RIN2: variants seen among roughly 807,000 people sequenced by gnomAD.
RIN2 encodes Ras and Rab interactor 2, also known as RAB5 interacting protein 2.
Under a neutral mutation model 78.0 loss-of-function variants are expected in RIN2, and 36 were observed. The ratio of observed to expected loss-of-function variants is 0.46; its 90% CI spans 0.35 to 0.61. RIN2 has a LOEUF of 0.61. Ranked by LOEUF, RIN2 falls within the 20% of genes least tolerant of loss-of-function variation. The probability of loss-of-function intolerance (pLI) is 0.00; values close to 1 mark genes in which losing one functional copy is unlikely to be tolerated. For synonymous variants in RIN2, 466 were observed against 466.8 expected (o/e 1.00, Z 0.02); for missense variants, 1,087 against 1,159.7 (o/e 0.94, Z 0.91).
intron 2 of RIN2, among the ~76,000 whole-genome samples, chr20:19,839,194 C>G (rs533323011): frequency 6.6e-6 from 1 of 152,140 alleles, no homozygotes; most frequent in African/African-American, 2.4e-5. Flanking sequence ...GGAACAAAAC[C>G]GGTGAGAAAA....
intron 2 of RIN2, among the ~76,000 whole-genome samples, chr20:19,880,846 G>A (rs1304344766): frequency 1.3e-5 from 2 of 152,158 alleles, no homozygotes; most frequent in African/African-American, 4.8e-5. Context: ...TTCCATAAAG[G>A]AAGATCTTTT....
At chr20:19,946,026 A>G (rs996756463) in intron 4 of RIN2, among the ~76,000 whole-genome samples, 1 of 152,210 alleles carries the variant, frequency 6.6e-6, no homozygotes, top group African/African-American at 2.4e-5. Context: ...AGTGCCCCTA[A>G]GAATATTTCT....
intron 3 of RIN2, among the ~76,000 whole-genome samples, chr20:19,902,207 A>G (rs11699697): frequency 0.36 from 55,096 of 151,944 alleles, 9,936 homozygotes; most frequent in Admixed American, 0.39. Context: ...GACACTGTAT[A>G]TAAACTTGGG....
rs542258484 is a variant in RIN2 at position 19,912,342 on chromosome 20, T to C, written c.57+22684T>C. On this transcript the variant is annotated intron_variant, in intron 3 of 12. Coordinates refer to ENST00000255006, the MANE Select transcript of RIN2 (RefSeq NM_018993.4). ...GATTTGGTCTCCTGCTGCAGGTCCA[T>C]GCTTTTTACCAGGCCAGACCCCTCT... 3.3e-5 allele frequency among the ~76,000 whole-genome samples: 5 copies of C among 152,266 alleles called. No homozygotes were observed. The South Asian group carries it at 1.0e-3, about 32-fold the overall frequency.
intron 3 of RIN2, among the ~76,000 whole-genome samples, chr20:19,918,296 G>A (rs1157513966): frequency 6.6e-6 from 1 of 151,890 alleles, no homozygotes; most frequent in African/African-American, 2.4e-5. Context: ...ATGGATAGCT[G>A]TAAACTTCAG....
rs1227672654 is a variant in RIN2 at position 19,975,943 on chromosome 20, A to T, written c.1762+156A>T. On this transcript the variant is annotated intron_variant, in intron 9 of 12. Coordinates refer to ENST00000255006, the MANE Select transcript of RIN2 (RefSeq NM_018993.4). This position sits in a 1 kb window ranked among gnomAD's most constrained non-coding sequence, Gnocchi z 4.9. ...TTTGAATGGAAAAATCAGTTTCTCA[A>T]AGTAGCTGCTGACTGCCAGACTCAA... is the stretch of plus-strand genomic sequence containing the variant. Among the ~76,000 whole-genome samples the T allele has an allele frequency of 2.0e-5, 3 of 152,124 alleles. No individual in the cohort carries two copies. The highest frequency in any genetic ancestry group is 7.2e-5 in the African/African-American group (3 of 41,422).
intron 2 of RIN2, among the ~76,000 whole-genome samples, chr20:19,842,387 CTT>C (rs139642869): frequency 1.5e-3 from 68 of 46,180 alleles, no homozygotes; most frequent in African/African-American, 3.8e-3. Context: ...CCATCCCTGG[CTT>C]TTTTTTTTTT....
At chr20:19,849,946 G>T (rs184018528) in intron 2 of RIN2, among the ~76,000 whole-genome samples, 7 of 152,050 alleles carry the variant, frequency 4.6e-5, no homozygotes, top group Non-Finnish European at 1.0e-4. Flanking sequence ...TGATTTACCC[G>T]AAAGGAACAA....
intron 3 of RIN2, among the ~76,000 whole-genome samples, chr20:19,913,093 T>C (rs1163322780): frequency 2.0e-5 from 3 of 152,312 alleles, no homozygotes; most frequent in African/African-American, 4.8e-5. Flanking sequence ...TGGGTTCGTA[T>C]AGATCATTTT....
chr20:19,858,350 T>C (rs1461074706), intron 2 of RIN2, among the ~76,000 whole-genome samples: 1 of 152,158 alleles, frequency 6.6e-6, no homozygotes, highest in East Asian at 1.9e-4. Flanking sequence ...GGGGAATAGA[T>C]TGAAGCAGGA....
intron 1 of RIN2, among the ~76,000 whole-genome samples, chr20:19,799,271 T>C (rs1326586941): frequency 6.6e-6 from 1 of 152,176 alleles, no homozygotes; most frequent in Non-Finnish European, 1.5e-5. Context: ...GGATCCTTTT[T>C]GTAGGAAGCG....
intron 1 of RIN2, among the ~76,000 whole-genome samples, chr20:19,765,466 G>A (rs539691306): frequency 6.6e-6 from 1 of 152,260 alleles, no homozygotes; most frequent in South Asian, 2.1e-4. Context: ...GTGGGACCTT[G>A]GCTGGCTCAA....
chr20:19,841,665 C>G (rs1236865098), intron 2 of RIN2, among the ~76,000 whole-genome samples: 1 of 152,134 alleles, frequency 6.6e-6, no homozygotes, highest in African/African-American at 2.4e-5. Context: ...TGAGAAAAAG[C>G]ATTTAAGGAT....
intron 3 of RIN2, among the ~76,000 whole-genome samples, chr20:19,928,328 C>G (rs1367438828): frequency 2.0e-5 from 3 of 152,186 alleles, no homozygotes; most frequent in African/African-American, 7.2e-5. Flanking sequence ...GCGACCCAGC[C>G]AACCGGGGCC....
intron 3 of RIN2, among the ~76,000 whole-genome samples, chr20:19,932,840 A>T (rs553577076): frequency 1.3e-5 from 2 of 152,196 alleles, no homozygotes; most frequent in Non-Finnish European, 2.9e-5. Context: ...AATAAATTTA[A>T]TCTGCCCGAA....
chr20:19,839,526 G>T (rs2036520314), intron 2 of RIN2, among the ~76,000 whole-genome samples: 1 of 152,208 alleles, frequency 6.6e-6, no homozygotes, highest in Admixed American at 6.5e-5. Context: ...CTGGCTTAAT[G>T]CTTTTCTCTA....
intron 2 of RIN2, among the ~76,000 whole-genome samples, chr20:19,819,963 ACAAATG>A (rs1336978590): frequency 6.6e-6 from 1 of 152,246 alleles, no homozygotes; most frequent in Non-Finnish European, 1.5e-5. Context: ...TCAAAGTCAC[ACAAATG>A]CAAATGCAAA....
At chr20:19,888,922 C>A (rs552588784) in intron 2 of RIN2, among the ~76,000 whole-genome samples, 3 of 152,360 alleles carry the variant, frequency 2.0e-5, no homozygotes, top group South Asian at 2.1e-4. Flanking sequence ...TGTGTTGTTA[C>A]CCTGCCTCTG....
intron 2 of RIN2, among the ~76,000 whole-genome samples, chr20:19,866,969 G>T (rs1010097583): frequency 6.6e-6 from 1 of 151,630 alleles, no homozygotes; most frequent in African/African-American, 2.4e-5. Context: ...TTTGCTGTGC[G>T]AAAACGTTAA....
Sources: gnomAD v4.1 joint callset for allele counts (sites outside exome capture counted in the v4.1 genomes callset) on GRCh38, gnomAD v4.1.1 for gene constraint, Gnocchi (gnomAD v3.1) non-coding constraint, MANE v1.5 for transcripts, NCBI Gene and HGNC (gene_info 2026-07-23, HGNC 2026-07-21) for gene names.